TMEM183A: variants seen among roughly 807,000 people sequenced by gnomAD.
TMEM183A encodes chromosome 1 open reading frame 37.
A neutral mutation model predicts 46.7 loss-of-function variants in TMEM183A; 21 were observed. That is an observed-to-expected ratio of 0.45 (90% CI 0.32 to 0.65). The LOEUF (loss-of-function observed/expected upper bound fraction) is 0.65. TMEM183A is among the 30% of genes least tolerant of loss of function. The pLI is 0.04. For synonymous variants in TMEM183A, 165 were observed against 180.2 expected, an observed-to-expected ratio of 0.92 and a Z score of 0.68; for missense variants, 331 against 481.9, an observed-to-expected ratio of 0.69 and a Z score of 2.93.
intron 2 of TMEM183A, 146 bp downstream of exon 2, chr1:203,008,009 G>T: frequency 1.0e-6 from 1 of 957,904 alleles, no homozygotes; most frequent in South Asian, 1.8e-5. Flanking sequence ...GGTGGAGGAG[G>T]ATTAGTCAAG....
At chr1:203,007,921 A>G in intron 2 of TMEM183A, 58 bp downstream of exon 2, 2 of 1,593,894 alleles carry the variant, frequency 1.3e-6, no homozygotes, top group Non-Finnish European at 1.7e-6. Flanking sequence ...TAGGTATTTT[A>G]TTTCTGTTTT....
At chr1:203,007,965 T>G (rs1453025189) in intron 2 of TMEM183A, 102 bp downstream of exon 2, 11 of 1,451,986 alleles carry the variant, frequency 7.6e-6, no homozygotes, top group Non-Finnish European at 1.0e-5. Flanking sequence ...CCTGTAACCG[T>G]GTTTGCTTTC....
At position 203,007,717 on chromosome 1, in the gene TMEM183A, CG is replaced by C; in HGVS notation, c.110-53del. 1.9e-6 allele frequency: 3 copies of C among 1,601,752 alleles called. No individual in the cohort carries two copies. In the South Asian group the frequency reaches 3.3e-5, roughly 18 times the overall value. On this transcript the variant is annotated intron_variant, in intron 1 of 7. Transcript: ENST00000367242. ...GCCTGCAGCGAGGAGGAGGTGTTGG[CG>C]GGGAAGACGCTGACGAGAGAAGGCC...
chr1:203,007,594 GC>G lies in TMEM183A; in HGVS notation c.109+21del. 1 of 1,538,476 alleles carries G rather than the reference GC, an allele frequency of 6.5e-7. No individual in the cohort carries two copies. Among genetic ancestry groups the G allele is most frequent in the Non-Finnish European group, 8.7e-7 (1 of 1,145,750 alleles). ...GCCGAGGTGGGCGAGGGGGGCAGGG[GC>G]GCTGAAACATTTTGGGGGCTGGCGG... On this transcript the variant is annotated intron_variant, in intron 1 of 7. Transcript: ENST00000367242.
Position 203,007,829 on chromosome 1 carries a change from CAA to C in TMEM183A, c.166_167del (p.Lys56GlufsTer33), listed in dbSNP as rs1424421368. 6.2e-7 allele frequency: 1 copy of C among 1,613,992 alleles called. No homozygotes were observed. On this transcript the variant is annotated frameshift_variant, in exon 2 of 8. Coordinates refer to ENST00000367242, the MANE Select transcript of TMEM183A (RefSeq NM_138391.6). LOFTEE classifies it high-confidence loss of function. ...DPAVVRSGRV[K>X]KAVANAVQQE... ...CGGCGGTCGTGAGGTCTGGACGAGT[CAA>C]GAAAGCCGTAGCCAACGCTGTTCAG...
Position 203,015,472 on chromosome 1 carries a change from T to C in TMEM183A, c.527+424T>C, listed in dbSNP as rs114081204. On this transcript the variant is annotated intron_variant, in intron 4 of 7. Coordinates refer to ENST00000367242, the MANE Select transcript of TMEM183A (RefSeq NM_138391.6). The stretch of plus-strand genomic sequence containing the variant: ...TGTATTTATGCAGCCTTATGTATAG[T>C]TGTAGTGGTGAGGAGTAGGCAAATT... 960 of 223,690 alleles carry C rather than the reference T, an allele frequency of 4.3e-3. 10 individuals carry two copies. The highest frequency in any genetic ancestry group is 0.021 in the African/African-American group (886 of 43,168). 13.9% of individuals were successfully genotyped at this position (223,690 alleles called of 1,614,324 possible). A position where few individuals can be genotyped will look rare whatever the true frequency, so the allele number is the denominator to read the frequency against.
At position 203,008,667 on chromosome 1, in the gene TMEM183A, C is replaced by T; in HGVS notation, c.224C>T (p.Ala75Val). ...GTAAAATCTCTTTGTGGCTTGGAAG[C>T]CTCTCAGGTTCCTGCAGAGGAAGCT... ...QEVKSLCGLEASQVPAEEALS... is the reference protein window; with the variant it reads ...QEVKSLCGLEVSQVPAEEALS... Residue 75 changes from alanine to valine, a missense_variant, in exon 3 of 8, where the codon GCC becomes GTC. Around this residue, in one of 2 missense-constraint regions of TMEM183A, gnomAD observed 233 missense variants for 385.8 expected, o/e 0.60. Coordinates refer to ENST00000367242, the MANE Select transcript of TMEM183A (RefSeq NM_138391.6). 1 of 1,570,678 alleles carries T rather than the reference C, an allele frequency of 6.4e-7. No homozygotes were observed. The highest frequency in any genetic ancestry group is 8.6e-7 in the Non-Finnish European group (1 of 1,159,566).
In TMEM183A at chr1:203,022,946, G is replaced by T; in HGVS notation, c.1037G>T (p.Ser346Ile). 6.2e-7 allele frequency: 1 copy of T among 1,612,644 alleles called. No homozygotes were observed. The highest frequency in any genetic ancestry group is 8.5e-7 in the Non-Finnish European group (1 of 1,179,284). ...SPVHGGRKLR[S>I]EQGVQVILDP... ...GTCCATGGTGGTCGGAAACTGCGCA[G>T]TGAACAGGGTGTGCAAGTCATCCTG... Residue 346 changes from serine (S) to isoleucine (I), a missense_variant, in exon 8 of 8, where the codon AGT becomes ATT. Physicochemically the swap from Ser to Ile is moderately radical, Grantham distance 142. Coordinates refer to ENST00000367242, the MANE Select transcript of TMEM183A (RefSeq NM_138391.6).
intron 5 of TMEM183A, among the ~76,000 whole-genome samples, chr1:203,016,999 C>T (rs1406146015): frequency 6.6e-6 from 1 of 152,130 alleles, no homozygotes; most frequent in Non-Finnish European, 1.5e-5. Flanking sequence ...TTCTTCTCCC[C>T]TAGTTTAGCT....
intron 4 of TMEM183A, chr1:203,015,705 G>T: frequency 2.1e-6 from 1 of 479,876 alleles, no homozygotes; most frequent in Non-Finnish European, 3.7e-6. Flanking sequence ...ATAATATACC[G>T]ATACCAATTC....
chr1:203,012,886 T>C (rs1336745351), intron 3 of TMEM183A, among the ~76,000 whole-genome samples: 4 of 152,170 alleles, frequency 2.6e-5, no homozygotes, highest in Non-Finnish European at 5.9e-5. Flanking sequence ...TGCACCACCA[T>C]GGCTGGCTAA....
At chr1:203,015,913 A>T (rs1657123799) in intron 4 of TMEM183A, 47 bp from the exon 5 acceptor site, 1 of 1,591,696 alleles carries the variant, frequency 6.3e-7, no homozygotes, top group Non-Finnish European at 8.6e-7. Flanking sequence ...GACCTAGAGC[A>T]GGAGAGACAG....
intron 2 of TMEM183A, 148 bp from the exon 3 acceptor site, chr1:203,008,495 A>AT (rs199563095): frequency 2.3e-4 from 107 of 465,516 alleles, no homozygotes; most frequent in Middle Eastern, 6.5e-4. Flanking sequence ...TAAAATCTTT[A>AT]TTTTTTTTGG....
In TMEM183A at chr1:203,020,361, C is replaced by T. The variant is rs192771319; in HGVS notation, c.790-432C>T. On this transcript the variant is annotated intron_variant, in intron 6 of 7. Coordinates refer to ENST00000367242, the MANE Select transcript of TMEM183A (RefSeq NM_138391.6). ...AGGATTACTGCAGGAAAGTGAATGC[C>T]GAGATTTTCCTTTAGTTCCGAGACT... Among the ~76,000 whole-genome samples, 7 of 152,210 alleles carry T rather than the reference C, an allele frequency of 4.6e-5. 1 individual carries two copies. The highest frequency in any genetic ancestry group is 3.3e-4 in the Admixed American group (5 of 15,282).
intron 5 of TMEM183A, among the ~76,000 whole-genome samples, chr1:203,018,230 AGTAGCCT>A (rs1558043470): frequency 6.6e-6 from 1 of 152,212 alleles, no homozygotes; most frequent in East Asian, 1.9e-4. Context: ...AGTTGATGTC[AGTAGCCT>A]CTGAGGTTGA....
chr1:203,016,206 T>C (rs750067739), intron 5 of TMEM183A, 66 bp downstream of exon 5: 2 of 1,607,100 alleles, frequency 1.2e-6, no homozygotes, highest in Admixed American at 3.3e-5. Flanking sequence ...TTATCATGGC[T>C]TGTCTCCAGC....
chr1:203,009,653 T>C lies in TMEM183A; in HGVS notation c.367+843T>C, dbSNP rs1479119026. On this transcript the variant is annotated intron_variant, in intron 3 of 7. Transcript: ENST00000367242. ...CTATGCCATCATGCCTGCTAATTTT[T>C]TCTATTTTTTGTAGAGACAGGGGTC... Among the ~76,000 whole-genome samples, 5 of 152,214 alleles carry C rather than the reference T, an allele frequency of 3.3e-5. No individual in the cohort carries two copies. In the East Asian group the frequency reaches 9.6e-4, roughly 29 times the overall value.
intron 5 of TMEM183A, 62 bp from the exon 6 acceptor site, chr1:203,018,419 A>G: frequency 1.3e-6 from 2 of 1,547,606 alleles, no homozygotes; most frequent in Admixed American, 2.0e-5. Flanking sequence ...TTTTGGTTGT[A>G]GTGTATTTTG....
At chr1:203,011,733 ACTT>A (rs1399179924) in intron 3 of TMEM183A, among the ~76,000 whole-genome samples, 1 of 151,980 alleles carries the variant, frequency 6.6e-6, no homozygotes, top group Non-Finnish European at 1.5e-5. Flanking sequence ...GAATTGTAAG[ACTT>A]CTTTATCTAT....
Sources: allele counts gnomAD v4.1 joint callset (sites outside exome capture counted in the v4.1 genomes callset), GRCh38; gene constraint gnomAD v4.1.1; regional missense constraint gnomAD v4.1.1; transcripts MANE v1.5; gene names NCBI Gene and HGNC (gene_info 2026-07-23, HGNC 2026-07-21).